DIAPH3: variants seen among roughly 807,000 people sequenced by gnomAD.
The protein encoded by DIAPH3 is protein diaphanous homolog 3.
DIAPH3 carries 117 observed loss-of-function variants against 144.3 expected under a neutral mutation model. The ratio of observed to expected loss-of-function variants is 0.81; its 90% CI spans 0.70 to 0.95. DIAPH3 has a LOEUF of 0.95. DIAPH3 is among the 40% of genes least tolerant of loss of function. The pLI is 0.00. For synonymous variants in DIAPH3, 519 were observed against 488.9 expected, an observed-to-expected ratio of 1.06 and a Z score of -0.81; for missense variants, 1,421 against 1,412.7, an observed-to-expected ratio of 1.01 and a Z score of -0.09.
At chr13:59,801,454 T>A (rs1012884901) in intron 25 of DIAPH3, among the ~76,000 whole-genome samples, 1 of 152,122 alleles carries the variant, frequency 6.6e-6, no homozygotes, top group Non-Finnish European at 1.5e-5. Context: ...TTTACAAGAG[T>A]TCCTGCCTGA....
rs945392825 is a variant in DIAPH3 at position 59,711,492 on chromosome 13, C to T, written c.3320-44646G>A. Among the ~76,000 whole-genome samples the T allele has an allele frequency of 3.3e-5, 5 of 152,290 alleles. 1 individual carries two copies. In the Middle Eastern group the frequency reaches 0.014, roughly 414 times the overall value. On this transcript the variant is annotated intron_variant, in intron 27 of 27. Transcript: ENST00000400324. ...GCTCTTGCTACCATCACCATTACCA[C>T]ACCACCACCACCTCTCTTACTACCA...
intron 17 of DIAPH3, among the ~76,000 whole-genome samples, chr13:59,941,349 A>G (rs1029169181): frequency 1.3e-5 from 2 of 152,174 alleles, no homozygotes; most frequent in African/African-American, 4.8e-5. Flanking sequence ...GCAGGGGATC[A>G]GAAGGACAAG....
chr13:59,770,903 A>T (rs536768747), intron 27 of DIAPH3, among the ~76,000 whole-genome samples: 1 of 152,188 alleles, frequency 6.6e-6, no homozygotes, highest in Non-Finnish European at 1.5e-5. Flanking sequence ...AAGATTTAGC[A>T]CATACTTCAT....
chr13:60,049,273 T>C (rs1370364163), intron 4 of DIAPH3, among the ~76,000 whole-genome samples: 1 of 152,198 alleles, frequency 6.6e-6, no homozygotes, highest in Non-Finnish European at 1.5e-5. Flanking sequence ...AAATTTGGTG[T>C]GTTTGGCTGG....
intron 21 of DIAPH3, among the ~76,000 whole-genome samples, chr13:59,869,337 A>G (rs1260717433): frequency 6.6e-6 from 1 of 152,194 alleles, no homozygotes; most frequent in Non-Finnish European, 1.5e-5. Context: ...TTACAACTCC[A>G]TCCTCTTAGG....
chr13:59,906,412 T>C (rs887382864), intron 20 of DIAPH3, among the ~76,000 whole-genome samples: 2 of 152,102 alleles, frequency 1.3e-5, no homozygotes, highest in Non-Finnish European at 2.9e-5. Context: ...AAATGATCAT[T>C]TGTGTGGAAT....
intron 20 of DIAPH3, among the ~76,000 whole-genome samples, chr13:59,908,995 T>G (rs944544985): frequency 6.6e-6 from 1 of 152,206 alleles, no homozygotes; most frequent in Non-Finnish European, 1.5e-5. Flanking sequence ...ACATTTCTAA[T>G]GTACTTTAAA....
intron 22 of DIAPH3, 126 bp from the exon 23 acceptor site, chr13:59,839,574 A>G: frequency 2.2e-6 from 2 of 916,044 alleles, no homozygotes; most frequent in Non-Finnish European, 3.1e-6. Context: ...TTATAAAATA[A>G]AAATAAATTT....
chr13:60,004,864 T>A (rs575985765), intron 9 of DIAPH3, among the ~76,000 whole-genome samples: 264 of 152,300 alleles, frequency 1.7e-3, no homozygotes, highest in African/African-American at 5.9e-3. Context: ...ACTTATATAT[T>A]GGCAAAAATT....
intron 4 of DIAPH3, among the ~76,000 whole-genome samples, chr13:60,051,649 T>G (rs2056349487): frequency 6.6e-6 from 1 of 151,448 alleles, no homozygotes; most frequent in Non-Finnish European, 1.5e-5. Context: ...ACCACTTGAG[T>G]AGATGACAGA....
chr13:59,674,346 G>C (rs1032809871), intron 27 of DIAPH3, among the ~76,000 whole-genome samples: 1 of 152,134 alleles, frequency 6.6e-6, no homozygotes, highest in Non-Finnish European at 1.5e-5. Context: ...AATTGAGAAA[G>C]CAGACATAAC....
chr13:59,682,190 T>G (rs1175793839), intron 27 of DIAPH3, among the ~76,000 whole-genome samples: 1 of 152,236 alleles, frequency 6.6e-6, no homozygotes, highest in East Asian at 1.9e-4. Context: ...ATTTTGATGT[T>G]ATTATACATA....
intron 1 of DIAPH3, among the ~76,000 whole-genome samples, chr13:60,154,724 A>C (rs1951942928): frequency 6.6e-6 from 1 of 152,196 alleles, no homozygotes; most frequent in African/African-American, 2.4e-5. Context: ...GTTCAAAGAA[A>C]GCCCATGCTT....
intron 25 of DIAPH3, among the ~76,000 whole-genome samples, chr13:59,798,276 A>G (rs958569006): frequency 6.6e-6 from 1 of 152,196 alleles, no homozygotes; most frequent in Non-Finnish European, 1.5e-5. Context: ...TTTGCTACAG[A>G]GCCATTTCTC....
At chr13:59,745,721 G>A (rs980503333) in intron 27 of DIAPH3, among the ~76,000 whole-genome samples, 2 of 152,154 alleles carry the variant, frequency 1.3e-5, no homozygotes, top group African/African-American at 4.8e-5. Context: ...ACCCAGCACT[G>A]TTCTCAGCTC....
In DIAPH3 at chr13:59,666,519, A is replaced by G. The variant is rs2032018362; in HGVS notation, c.*65T>C. On this transcript the variant is annotated 3_prime_UTR_variant, in exon 28 of 28. Transcript: ENST00000400324. The stretch of plus-strand genomic sequence containing the variant: ...CACTTACATAAAAGCAATTTTTTCA[A>G]GTGTTATAGTTTAGAGCATGGCTTT... The G allele has an allele frequency of 6.3e-7, 1 of 1,576,952 alleles. No homozygotes were observed. The highest frequency in any genetic ancestry group is 1.2e-5 in the South Asian group (1 of 83,900).
At chr13:59,987,765 G>T (rs1427575022) in intron 12 of DIAPH3, among the ~76,000 whole-genome samples, 1 of 150,312 alleles carries the variant, frequency 6.7e-6, no homozygotes, top group Non-Finnish European at 1.5e-5. Context: ...CTCATCATTA[G>T]TACAGAGGAT....
intron 1 of DIAPH3, among the ~76,000 whole-genome samples, chr13:60,161,284 A>T (rs1952277559): frequency 6.6e-6 from 1 of 152,250 alleles, no homozygotes; most frequent in African/African-American, 2.4e-5. Context: ...CATCTGCAAG[A>T]ACAGTGACTG....
At chr13:60,052,959 T>TAAAAAAAGAAAAAAAA (rs2056409036) in intron 4 of DIAPH3, among the ~76,000 whole-genome samples, 1 of 40,660 alleles carries the variant, frequency 2.5e-5, no homozygotes, top group Non-Finnish European at 4.0e-5. Flanking sequence ...GACTCCCTCT[T>TAAAAAAAGAAAAAAAA]AAAAAAAAAA....
Sources: gnomAD v4.1 joint callset for allele counts (sites outside exome capture counted in the v4.1 genomes callset) on GRCh38, gnomAD v4.1.1 for gene constraint, MANE v1.5 for transcripts, NCBI Gene and HGNC (gene_info 2026-07-23, HGNC 2026-07-21) for gene names.